KHDRBS2: variants seen among roughly 807,000 people sequenced by gnomAD.
KHDRBS2 encodes KH RNA binding domain containing, signal transduction associated 2.
KHDRBS2 carries 26 observed loss-of-function variants against 44.3 expected under a neutral mutation model. The ratio of observed to expected loss-of-function variants is 0.59; its 90% CI spans 0.43 to 0.81. KHDRBS2 has a LOEUF of 0.81. KHDRBS2 is among the 40% of genes least tolerant of loss of function. KHDRBS2 has a pLI of 0.00. For missense variants in KHDRBS2, 476 were observed against 433.1 expected (o/e 1.10, Z -0.88); for synonymous variants, 194 against 151.1 (o/e 1.28, Z -2.08).
chr6:62,073,630 TA>T lies in KHDRBS2; in HGVS notation c.220-25637del, dbSNP rs954628068. ...TTCTAGTTTATTTTTTCGAGTTTAT[TA>T]AGGTGGAAGTTTAGTTCATTGATGT... On this transcript the variant is annotated intron_variant, in intron 2 of 8. Coordinates refer to ENST00000281156, the MANE Select transcript of KHDRBS2 (RefSeq NM_152688.4). Among the ~76,000 whole-genome samples the T allele has an allele frequency of 3.5e-4, 53 of 151,500 alleles. 1 individual carries two copies. Among genetic ancestry groups the T allele is most frequent in the Admixed American group, 3.3e-4 (5 of 15,148 alleles).
chr6:62,098,616 T>A (rs141818861), intron 2 of KHDRBS2, among the ~76,000 whole-genome samples: 1 of 152,192 alleles, frequency 6.6e-6, no homozygotes, highest in Non-Finnish European at 1.5e-5. Flanking sequence ...ATGATATGTC[T>A]TGGGGAACAC....
chr6:61,577,808 TC>T, the KHDRBS2 span, among the ~76,000 whole-genome samples: 1 of 152,146 alleles, frequency 6.6e-6, no homozygotes, highest in Non-Finnish European at 1.5e-5. Flanking sequence ...AATACTACAG[TC>T]ATTTTGTTTT....
chr6:61,892,481 A>T (rs969171862), intron 6 of KHDRBS2, among the ~76,000 whole-genome samples: 6 of 152,234 alleles, frequency 3.9e-5, no homozygotes, highest in Non-Finnish European at 8.8e-5. Flanking sequence ...TGGATGCATC[A>T]TGCTACCTGA....
chr6:62,050,935 CA>C (rs1160659890), intron 2 of KHDRBS2, among the ~76,000 whole-genome samples: 2 of 152,082 alleles, frequency 1.3e-5, no homozygotes, highest in South Asian at 4.1e-4. Flanking sequence ...TATATGTAAA[CA>C]GAAAGAAACT....
rs540110477 is a variant in KHDRBS2, at chr6:61,682,377, C to A, written c.953-1317G>T. Among the ~76,000 whole-genome samples the A allele has an allele frequency of 5.9e-5, 9 of 151,864 alleles. No individual in the cohort carries two copies. In the East Asian group the frequency reaches 1.6e-3, roughly 26 times the overall value. ...TAAATAAAAAATTATATCTCTTTCA[C>A]TGTTTAGTCTTTTATAGGATATAAA... On this transcript the variant is annotated intron_variant, in intron 8 of 8. Transcript: ENST00000281156.
the KHDRBS2 span, among the ~76,000 whole-genome samples, chr6:61,602,154 C>G: frequency 6.6e-6 from 1 of 152,132 alleles, no homozygotes; most frequent in South Asian, 2.1e-4. Flanking sequence ...AAATTAAATT[C>G]TGGCCCTCAA....
intron 6 of KHDRBS2, among the ~76,000 whole-genome samples, chr6:61,736,488 T>G (rs1362163355): frequency 6.6e-6 from 1 of 152,112 alleles, no homozygotes; most frequent in Admixed American, 6.6e-5. Context: ...GGAATCGGGC[T>G]TTTGGTCCTT....
At chr6:61,705,017 T>C (rs1236799938) in intron 7 of KHDRBS2, among the ~76,000 whole-genome samples, 1 of 151,848 alleles carries the variant, frequency 6.6e-6, no homozygotes, top group Non-Finnish European at 1.5e-5. Flanking sequence ...AAATGTAGTT[T>C]TTATACAACT....
chr6:61,775,823 C>T (rs1016135553), intron 6 of KHDRBS2, among the ~76,000 whole-genome samples: 2 of 151,980 alleles, frequency 1.3e-5, no homozygotes, highest in Non-Finnish European at 2.9e-5. Context: ...AAAATGAGCC[C>T]GTGGTGCCAA....
intron 2 of KHDRBS2, among the ~76,000 whole-genome samples, chr6:62,106,846 T>G (rs990841402): frequency 6.6e-6 from 1 of 151,932 alleles, no homozygotes; most frequent in Non-Finnish European, 1.5e-5. Context: ...AAAAACCACA[T>G]GATTATCTCA....
intron 6 of KHDRBS2, among the ~76,000 whole-genome samples, chr6:61,858,860 C>A (rs1294909963): frequency 6.6e-6 from 1 of 151,684 alleles, no homozygotes; most frequent in Non-Finnish European, 1.5e-5. Flanking sequence ...TATCGGGAAA[C>A]CTATTCAAGT....
At chr6:61,615,812 G>A in the KHDRBS2 span, among the ~76,000 whole-genome samples, 1 of 152,054 alleles carries the variant, frequency 6.6e-6, no homozygotes, top group Non-Finnish European at 1.5e-5. Context: ...AACACTTCTA[G>A]GCCAAGCATT....
chr6:61,916,018 AC>A (rs1436069717), intron 4 of KHDRBS2, among the ~76,000 whole-genome samples: 4 of 151,978 alleles, frequency 2.6e-5, no homozygotes, highest in Admixed American at 1.3e-4. Context: ...AAATATGCAT[AC>A]CCCGATTCTT....
chr6:61,618,040 T>C, the KHDRBS2 span, among the ~76,000 whole-genome samples: 1 of 152,194 alleles, frequency 6.6e-6, no homozygotes, highest in Non-Finnish European at 1.5e-5. Flanking sequence ...ATTTTTAAAA[T>C]ATTGAAGGAA....
chr6:62,227,667 A>C (rs1832133068), intron 1 of KHDRBS2, among the ~76,000 whole-genome samples: 1 of 152,152 alleles, frequency 6.6e-6, no homozygotes, highest in African/African-American at 2.4e-5. Flanking sequence ...TGTTTGTCAT[A>C]AATAGTTGTT....
chr6:61,555,006 T>A, the KHDRBS2 span, among the ~76,000 whole-genome samples: 1 of 152,046 alleles, frequency 6.6e-6, no homozygotes, highest in South Asian at 2.1e-4. Context: ...TCTTCTTGTT[T>A]CACAGGGGTT....
intron 1 of KHDRBS2, among the ~76,000 whole-genome samples, chr6:62,281,713 GT>G (rs1417481378): frequency 2.6e-5 from 4 of 151,954 alleles, no homozygotes; most frequent in African/African-American, 9.7e-5. Context: ...TTTTGTTTTT[GT>G]TTTTTCATCT....
chr6:62,148,492 A>AG (rs1467427067), intron 2 of KHDRBS2, among the ~76,000 whole-genome samples: 1 of 152,030 alleles, frequency 6.6e-6, no homozygotes, highest in Non-Finnish European at 1.5e-5. Context: ...CCACTGTGAA[A>AG]GGAAAATAAA....
At chr6:61,826,770 C>A (rs112640225) in intron 6 of KHDRBS2, among the ~76,000 whole-genome samples, 2 of 152,114 alleles carry the variant, frequency 1.3e-5, no homozygotes, top group South Asian at 4.1e-4. Context: ...AATGCAGTGG[C>A]TCTTTGGGAG....
Sources: allele counts gnomAD v4.1 joint callset (sites outside exome capture counted in the v4.1 genomes callset), GRCh38; gene constraint gnomAD v4.1.1; transcripts MANE v1.5; gene names NCBI Gene and HGNC (gene_info 2026-07-23, HGNC 2026-07-21).